SP100: variants seen among roughly 807,000 people sequenced by gnomAD.
The protein encoded by SP100 is nuclear autoantigen Sp-100.
Under a neutral mutation model 130.0 loss-of-function variants are expected in SP100, and 84 were observed. The observed-to-expected ratio is 0.65, with a 90% CI of 0.54 to 0.77. The LOEUF (loss-of-function observed/expected upper bound fraction) is 0.77. SP100 is among the 30% of genes least tolerant of loss of function. The pLI is 0.00. For synonymous variants in SP100, 331 were observed against 351.7 expected, an observed-to-expected ratio of 0.94 and a Z score of 0.66; for missense variants, 978 against 1,052.2, an observed-to-expected ratio of 0.93 and a Z score of 0.97.
At chr2:230,530,772 A>G (rs59646024) in intron 24 of SP100, among the ~76,000 whole-genome samples, 3,345 of 152,344 alleles carry the variant, frequency 0.022, 124 homozygotes, top group African/African-American at 0.076. Flanking sequence ...ATATGAACAG[A>G]CACTTTTCAA....
At position 230,541,052 on chromosome 2, in the gene SP100, A is replaced by G. The variant is rs1385421193; in HGVS notation, c.2331+56A>G. On this transcript the variant is annotated intron_variant, in intron 26 of 28. Coordinates refer to ENST00000340126, the MANE Select transcript of SP100 (RefSeq NM_001080391.2). ...CCTTTCTGTTCACCTGGGCAGGAGAAGCACAGTCTTACAAAGTGCTCAAGG... is the reference window on the plus strand; with the variant it reads ...CCTTTCTGTTCACCTGGGCAGGAGAGGCACAGTCTTACAAAGTGCTCAAGG... 1.9e-6 allele frequency: 3 copies of G among 1,572,020 alleles called. No individual in the cohort carries two copies. The African/African-American group carries it at 4.1e-5, about 21-fold the overall frequency.
chr2:230,469,486 CG>C (rs1362992209), intron 14 of SP100: 1 of 462,878 alleles, frequency 2.2e-6, no homozygotes, highest in Non-Finnish European at 4.3e-6. Context: ...GCCTAAGAAG[CG>C]TAAGAAACAA....
At chr2:230,522,824 T>C (rs1691240432) in intron 24 of SP100, among the ~76,000 whole-genome samples, 1 of 151,914 alleles carries the variant, frequency 6.6e-6, no homozygotes, top group Non-Finnish European at 1.5e-5. Context: ...TTTTTTACTT[T>C]ATTTTTTTGA....
At chr2:230,428,057 C>A (rs1458235270) in intron 2 of SP100, among the ~76,000 whole-genome samples, 2 of 152,006 alleles carry the variant, frequency 1.3e-5, no homozygotes, top group Non-Finnish European at 2.9e-5. Context: ...ATAGTGAAAC[C>A]CTGTCTCTAC....
In SP100 at chr2:230,443,052, C is replaced by A. The variant is rs754175358; in HGVS notation, c.223C>A (p.Leu75Ile). ...SNAIKKTFPF[L>I]EGLRDRDLIT... ...TGCAATAAAAAAGACATTTCCATTC[C>A]TCGAGGGCCTCCGTGATCGTGATCT... The change falls in exon 3 of 29, where the codon CTC becomes ATC. Residue 75 changes from leucine to isoleucine, a missense_variant. Physicochemically the swap from Leu to Ile is conservative, Grantham distance 5. Coordinates refer to ENST00000340126, the MANE Select transcript of SP100 (RefSeq NM_001080391.2). 1 of 1,614,024 alleles carries A rather than the reference C, an allele frequency of 6.2e-7. No individual in the cohort carries two copies. Among genetic ancestry groups the A allele is most frequent in the Non-Finnish European group, 8.5e-7 (1 of 1,179,910 alleles).
At position 230,470,497 on chromosome 2, in the gene SP100, C is replaced by T. The variant is rs148073200; in HGVS notation, c.1429+399C>T. 5.7e-5 allele frequency: 50 copies of T among 877,602 alleles called. No homozygotes were observed. The African/African-American group carries it at 7.8e-4, about 14-fold the overall frequency. The allele number at this position is 877,602 out of a possible 1,614,324, so 54.4% of individuals were successfully genotyped here. A position where few individuals can be genotyped will look rare whatever the true frequency, so the allele number is the denominator to read the frequency against. On this transcript the variant is annotated intron_variant, in intron 15 of 28. Transcript: ENST00000340126. ...ACTGTTCCTACTATGTAATTATAGA[C>T]AGAAATAAAAACTTCAGATCAAACA...
At chr2:230,480,744 C>T (rs1375025123) in intron 17 of SP100, among the ~76,000 whole-genome samples, 2 of 152,306 alleles carry the variant, frequency 1.3e-5, no homozygotes, top group South Asian at 2.1e-4. Flanking sequence ...TCAAAGAGAT[C>T]GAGCTGGTGT....
chr2:230,516,086 T>A, intron 24 of SP100: 2 of 989,464 alleles, frequency 2.0e-6, no homozygotes, highest in Non-Finnish European at 2.4e-6. Flanking sequence ...ATACAATTTT[T>A]AAAAAACCGT....
intron 17 of SP100, among the ~76,000 whole-genome samples, chr2:230,483,501 TTAAG>T (rs1454428673): frequency 6.6e-6 from 1 of 152,214 alleles, no homozygotes; most frequent in Non-Finnish European, 1.5e-5. Flanking sequence ...CTTTGGATTC[TTAAG>T]TAAGAGAAGA....
At chr2:230,460,392 A>T (rs1363648133) in intron 8 of SP100, among the ~76,000 whole-genome samples, 1 of 151,660 alleles carries the variant, frequency 6.6e-6, no homozygotes, top group Non-Finnish European at 1.5e-5. Flanking sequence ...CTTTTGGGAG[A>T]TCTATATATA....
intron 3 of SP100, 103 bp downstream of exon 3, chr2:230,443,202 A>C (rs1458045240): frequency 9.0e-7 from 1 of 1,116,668 alleles, no homozygotes; most frequent in Non-Finnish European, 1.3e-6. Flanking sequence ...GCTAACTGAC[A>C]GGTCTCCTAT....
At chr2:230,433,138 A>G (rs2063146034) in intron 2 of SP100, among the ~76,000 whole-genome samples, 1 of 152,180 alleles carries the variant, frequency 6.6e-6, no homozygotes, top group African/African-American at 2.4e-5. Flanking sequence ...CTGCTTTTAC[A>G]TTTAGAGATG....
intron 24 of SP100, among the ~76,000 whole-genome samples, chr2:230,519,632 G>A (rs1691078249): frequency 6.6e-6 from 1 of 152,140 alleles, no homozygotes; most frequent in African/African-American, 2.4e-5. Flanking sequence ...ATGAAAGGGA[G>A]AAAGCTTCTG....
intron 24 of SP100, among the ~76,000 whole-genome samples, chr2:230,535,616 A>G (rs979866734): frequency 6.6e-6 from 1 of 152,138 alleles, no homozygotes; most frequent in African/African-American, 2.4e-5. Flanking sequence ...TTTAATAAGA[A>G]TCTGTTTTCT....
intron 17 of SP100, among the ~76,000 whole-genome samples, chr2:230,484,288 T>C (rs1238993231): frequency 6.6e-6 from 1 of 152,250 alleles, no homozygotes; most frequent in Non-Finnish European, 1.5e-5. Context: ...ACTGCATGTC[T>C]GCAAATGACC....
chr2:230,449,576 A>C lies in SP100; in HGVS notation c.602A>C (p.Glu201Ala), dbSNP rs2063871314. 6.2e-7 allele frequency: 1 copy of C among 1,614,024 alleles called. No individual in the cohort carries two copies. The highest frequency in any genetic ancestry group is 1.1e-5 in the South Asian group (1 of 91,090). Residue 201 changes from glutamate (E) to alanine (A), a missense_variant, in exon 7 of 29, where the codon GAA (glutamate) becomes GCA (alanine). Transcript: ENST00000340126. Reference protein sequence around the residue: ...SPSHAGTTPPENGLSEHPCET... With the variant: ...SPSHAGTTPPANGLSEHPCET... ...CATGGTTTAGGTACAACCCCACCTG[A>C]AAATGGACTCTCAGAGCACCCCTGT...
intron 17 of SP100, among the ~76,000 whole-genome samples, chr2:230,481,708 A>G (rs554265261): frequency 6.6e-6 from 1 of 152,142 alleles, no homozygotes; most frequent in African/African-American, 2.4e-5. Context: ...AAAAAAGTCT[A>G]AACTTCTTAC....
At chr2:230,522,588 A>G (rs1048697667) in intron 24 of SP100, among the ~76,000 whole-genome samples, 3 of 143,260 alleles carry the variant, frequency 2.1e-5, no homozygotes, top group Non-Finnish European at 4.5e-5. Context: ...TCCTGGGTTC[A>G]AGCGATTCTC....
chr2:230,449,632 G>T lies in SP100; in HGVS notation c.658G>T (p.Asp220Tyr). The change falls in exon 7 of 29, where the codon GAT becomes TAT. Residue 220 changes from aspartate (D) to tyrosine (Y), a missense_variant. By Grantham distance (160) the Asp-to-Tyr change is radical. Transcript: ENST00000340126. Reference sequence around the variant, plus strand: ...AGAACAGATAAATGCAAAGAGAAAAGATACAACCAGTGACAAAGATGATTC... The same window carrying T: ...AGAACAGATAAATGCAAAGAGAAAATATACAACCAGTGACAAAGATGATTC... ...ETEQINAKRK[D>Y]TTSDKDDSLG... is the part of the protein sequence containing the mutation. The T allele has an allele frequency of 6.2e-7, 1 of 1,614,114 alleles. No homozygotes were observed. The highest frequency in any genetic ancestry group is 8.5e-7 in the Non-Finnish European group (1 of 1,179,994).
Sources: allele counts gnomAD v4.1 joint callset (sites outside exome capture counted in the v4.1 genomes callset), GRCh38; gene constraint gnomAD v4.1.1; transcripts MANE v1.5; gene names NCBI Gene and HGNC (gene_info 2026-07-23, HGNC 2026-07-21).